CWC27: variants seen among roughly 807,000 people sequenced by gnomAD.
CWC27 encodes the protein CWC27 spliceosome associated cyclophilin.
In CWC27, 47 loss-of-function variants were observed where a neutral mutation model predicts 63.6. That is an observed-to-expected ratio of 0.74 (90% CI 0.58 to 0.94). The LOEUF is 0.94. Among genes scored for constraint, CWC27 ranks in the 40% least tolerant of loss-of-function variants. The probability of loss-of-function intolerance (pLI) is 0.00; values close to 1 mark genes in which losing one functional copy is unlikely to be tolerated. For synonymous variants in CWC27, 175 were observed against 179.8 expected (o/e 0.97, Z 0.22); for missense variants, 495 against 554.3 (o/e 0.89, Z 1.07).
chr5:64,989,440 A>T (rs1449025370), intron 13 of CWC27, among the ~76,000 whole-genome samples: 1 of 152,366 alleles, frequency 6.6e-6, no homozygotes, highest in Admixed American at 6.5e-5. Context: ...TTCTTTAAAA[A>T]AAGATTTCTT....
intron 10 of CWC27, among the ~76,000 whole-genome samples, chr5:64,843,859 C>T (rs1274510006): frequency 6.6e-6 from 1 of 152,088 alleles, no homozygotes; most frequent in Admixed American, 6.6e-5. Context: ...CTAGTGACAT[C>T]AGCAAAATAA....
chr5:64,908,367 T>A (rs902732052), intron 11 of CWC27, among the ~76,000 whole-genome samples: 1 of 152,222 alleles, frequency 6.6e-6, no homozygotes, highest in Admixed American at 6.5e-5. Flanking sequence ...TTCTGTTGAA[T>A]TGGGCTGAAG....
At chr5:64,950,245 T>TAA (rs534505042) in intron 11 of CWC27, among the ~76,000 whole-genome samples, 268 of 152,114 alleles carry the variant, frequency 1.8e-3, no homozygotes, top group African/African-American at 6.1e-3. Flanking sequence ...ACAATGATAC[T>TAA]AAACTATTAT....
intron 11 of CWC27, among the ~76,000 whole-genome samples, chr5:64,943,033 AG>A: frequency 6.6e-6 from 1 of 152,228 alleles, no homozygotes. Flanking sequence ...ACTCTCCTAA[AG>A]AAAAAAGCAG....
chr5:64,791,647 T>C (rs1744083564), intron 7 of CWC27, among the ~76,000 whole-genome samples: 1 of 152,140 alleles, frequency 6.6e-6, no homozygotes, highest in African/African-American at 2.4e-5. Flanking sequence ...GTAATTAAGT[T>C]ATCATCAAAT....
intron 9 of CWC27, among the ~76,000 whole-genome samples, chr5:64,802,816 CAT>C (rs1744533758): frequency 1.3e-5 from 2 of 152,086 alleles, no homozygotes; most frequent in African/African-American, 2.4e-5. Context: ...ATCTGTGTAA[CAT>C]AATATGGGTC....
At chr5:64,983,472 C>T (rs1749364252) in intron 13 of CWC27, among the ~76,000 whole-genome samples, 2 of 152,162 alleles carry the variant, frequency 1.3e-5, no homozygotes, top group Admixed American at 6.5e-5. Context: ...CAGGGGTCCC[C>T]GAGTCACACT....
chr5:64,841,996 T>C (rs1437575315), intron 10 of CWC27, among the ~76,000 whole-genome samples: 1 of 152,186 alleles, frequency 6.6e-6, no homozygotes, highest in Non-Finnish European at 1.5e-5. Context: ...AGGTATTTAC[T>C]TTTGACTTAA....
chr5:64,854,973 T>A (rs1490139028), intron 10 of CWC27, among the ~76,000 whole-genome samples: 4 of 152,152 alleles, frequency 2.6e-5, no homozygotes, highest in African/African-American at 9.7e-5. Context: ...AAAAATCTAG[T>A]TTAGTATGTC....
At chr5:64,963,099 C>T (rs1262565333) in intron 11 of CWC27, among the ~76,000 whole-genome samples, 4 of 151,874 alleles carry the variant, frequency 2.6e-5, no homozygotes, top group South Asian at 2.1e-4. Context: ...GGATTACAGG[C>T]GCCCGCCACC....
At chr5:64,791,125 T>A (rs1240551262) in intron 7 of CWC27, among the ~76,000 whole-genome samples, 1 of 152,148 alleles carries the variant, frequency 6.6e-6, no homozygotes, top group Non-Finnish European at 1.5e-5. Context: ...CACAGGGTCC[T>A]GGATAGTTAG....
intron 13 of CWC27, among the ~76,000 whole-genome samples, chr5:64,989,254 G>A (rs955651578): frequency 3.3e-5 from 5 of 152,170 alleles, no homozygotes; most frequent in Non-Finnish European, 7.4e-5. Context: ...CATATGTACT[G>A]TTCTGCTTTT....
At chr5:64,858,137 C>CAAAAAAAA (rs529762534) in intron 10 of CWC27, among the ~76,000 whole-genome samples, 2 of 23,086 alleles carry the variant, frequency 8.7e-5, no homozygotes, top group African/African-American at 3.9e-4. Flanking sequence ...GACTCCGTCT[C>CAAAAAAAA]AAAAAAAAAA....
At position 64,849,522 on chromosome 5, in the gene CWC27, C is replaced by A. The variant is rs141121819; in HGVS notation, c.939-35921C>A. 1.3e-4 allele frequency among the ~76,000 whole-genome samples: 19 copies of A among 151,812 alleles called. No homozygotes were observed. The South Asian group carries it at 2.5e-3, about 20-fold the overall frequency. ...TTTCTCATGAATGGGTTAGCACCAT[C>A]CCTCTAGTGCTGTTCTCGTGAAAGA... On this transcript the variant is annotated intron_variant, in intron 10 of 13. Transcript: ENST00000381070.
intron 13 of CWC27, among the ~76,000 whole-genome samples, chr5:64,984,845 A>T (rs1056293535): frequency 6.6e-6 from 1 of 152,152 alleles, no homozygotes; most frequent in Non-Finnish European, 1.5e-5. Flanking sequence ...TTTTAGTGTT[A>T]TGTCTAAGAA....
At chr5:64,957,187 T>C (rs1748817460) in intron 11 of CWC27, among the ~76,000 whole-genome samples, 1 of 152,224 alleles carries the variant, frequency 6.6e-6, no homozygotes, top group African/African-American at 2.4e-5. Flanking sequence ...GAAACACAGA[T>C]ATTCTGCAAT....
At chr5:64,776,617 C>T (rs1240809689) in intron 2 of CWC27, among the ~76,000 whole-genome samples, 1 of 152,108 alleles carries the variant, frequency 6.6e-6, no homozygotes, top group Admixed American at 6.5e-5. Context: ...GAAAGGCTAA[C>T]ATGAAGCCTA....
intron 10 of CWC27, among the ~76,000 whole-genome samples, chr5:64,836,636 A>G (rs1436830162): frequency 6.6e-6 from 1 of 152,006 alleles, no homozygotes; most frequent in African/African-American, 2.4e-5. Flanking sequence ...GCCTAATTTG[A>G]TGTGAGTTAG....
chr5:64,907,358 A>G (rs1747670066), intron 11 of CWC27, among the ~76,000 whole-genome samples: 1 of 152,176 alleles, frequency 6.6e-6, no homozygotes, highest in East Asian at 1.9e-4. Flanking sequence ...AGCGGTTTAT[A>G]GTTCTCCTTG....
Sources: gnomAD v4.1 joint callset for allele counts (sites outside exome capture counted in the v4.1 genomes callset) on GRCh38, gnomAD v4.1.1 for gene constraint, MANE v1.5 for transcripts, NCBI Gene and HGNC (gene_info 2026-07-23, HGNC 2026-07-21) for gene names.